Variants in LRRTM4 observed in about 807,000 individuals in gnomAD.
LRRTM4 encodes the protein leucine rich repeat transmembrane neuronal 4.
In LRRTM4, 25 loss-of-function variants were observed where a neutral mutation model predicts 47.6. That is an observed-to-expected ratio of 0.53 (90% CI 0.38 to 0.73). The LOEUF (loss-of-function observed/expected upper bound fraction) is 0.73. Among genes scored for constraint, LRRTM4 ranks in the 30% least tolerant of loss-of-function variants. The pLI is 0.00. For synonymous variants in LRRTM4, 311 were observed against 269.5 expected (o/e 1.15, Z -1.51); for missense variants, 638 against 713.4 (o/e 0.89, Z 1.20).
intron 3 of LRRTM4, among the ~76,000 whole-genome samples, chr2:76,771,246 T>G (rs769484854): frequency 1.3e-5 from 2 of 152,116 alleles, no homozygotes; most frequent in East Asian, 1.9e-4. Context: ...GCCACAGGAG[T>G]TGGAATCGCT....
chr2:76,991,871 A>G (rs907829483), intron 3 of LRRTM4, among the ~76,000 whole-genome samples: 1 of 151,900 alleles, frequency 6.6e-6, no homozygotes, highest in African/African-American at 2.4e-5. Context: ...ATGAACATAG[A>G]TGCAAAAATC....
intron 3 of LRRTM4, among the ~76,000 whole-genome samples, chr2:77,225,992 TA>T (rs1674793404): frequency 6.6e-6 from 1 of 151,886 alleles, no homozygotes; most frequent in Non-Finnish European, 1.5e-5. Flanking sequence ...ATAAAGAACG[TA>T]AAAAATGTGT....
At chr2:77,363,586 A>G (rs949300869) in intron 3 of LRRTM4, among the ~76,000 whole-genome samples, 1 of 152,168 alleles carries the variant, frequency 6.6e-6, no homozygotes, top group African/African-American at 2.4e-5. Flanking sequence ...TCATCCTGGT[A>G]TGGTTTACTG....
At chr2:76,947,790 T>A (rs889235922) in intron 3 of LRRTM4, among the ~76,000 whole-genome samples, 1 of 151,862 alleles carries the variant, frequency 6.6e-6, no homozygotes, top group Non-Finnish European at 1.5e-5. Flanking sequence ...AAATCATTTA[T>A]ACTTGACATT....
intron 3 of LRRTM4, among the ~76,000 whole-genome samples, chr2:77,401,546 C>A (rs1673955788): frequency 6.6e-6 from 1 of 151,756 alleles, no homozygotes; most frequent in Non-Finnish European, 1.5e-5. Context: ...TATTGAATTC[C>A]TAGCACATAG....
chr2:76,936,403 C>A, intron 3 of LRRTM4, among the ~76,000 whole-genome samples: 1 of 148,560 alleles, frequency 6.7e-6, no homozygotes, highest in African/African-American at 2.5e-5. Context: ...CACATGCACA[C>A]AGGGAGGGGA....
At chr2:77,143,811 T>C (rs1672187353) in intron 3 of LRRTM4, among the ~76,000 whole-genome samples, 1 of 152,194 alleles carries the variant, frequency 6.6e-6, no homozygotes, top group African/African-American at 2.4e-5. Flanking sequence ...AGATTATATC[T>C]AGCAGTTGCA....
At chr2:77,167,552 C>T (rs1033964552) in intron 3 of LRRTM4, among the ~76,000 whole-genome samples, 1 of 152,172 alleles carries the variant, frequency 6.6e-6, no homozygotes, top group African/African-American at 2.4e-5. Context: ...GGAACCAACC[C>T]AAATGTCCAT....
At chr2:76,985,556 C>T (rs975179280) in intron 3 of LRRTM4, among the ~76,000 whole-genome samples, 1 of 151,894 alleles carries the variant, frequency 6.6e-6, no homozygotes, top group African/African-American at 2.4e-5. Context: ...AGATCTCCTC[C>T]TGAGACTAAA....
intron 3 of LRRTM4, among the ~76,000 whole-genome samples, chr2:76,923,261 A>C (rs1196286692): frequency 6.6e-6 from 1 of 152,032 alleles, no homozygotes; most frequent in Admixed American, 6.6e-5. Context: ...TCTAAAGTTC[A>C]TGAAACCTCT....
intron 3 of LRRTM4, among the ~76,000 whole-genome samples, chr2:76,931,536 C>T (rs1469689296): frequency 3.3e-5 from 5 of 152,092 alleles, no homozygotes; most frequent in South Asian, 2.1e-4. Context: ...TCTCTCTCTC[C>T]ACCACTTTCA....
At chr2:77,060,705 G>C (rs369135006) in intron 3 of LRRTM4, among the ~76,000 whole-genome samples, 1 of 152,050 alleles carries the variant, frequency 6.6e-6, no homozygotes, top group Non-Finnish European at 1.5e-5. Context: ...TTAAAATATG[G>C]CTTCTGCCAT....
intron 3 of LRRTM4, among the ~76,000 whole-genome samples, chr2:76,808,322 TCTTA>T (rs1400276671): frequency 6.6e-6 from 1 of 152,122 alleles, no homozygotes; most frequent in Non-Finnish European, 1.5e-5. Context: ...TTTCATTATT[TCTTA>T]CTTATTCATG....
At chr2:77,087,099 C>T (rs1680743102) in intron 3 of LRRTM4, among the ~76,000 whole-genome samples, 1 of 152,154 alleles carries the variant, frequency 6.6e-6, no homozygotes, top group South Asian at 2.1e-4. Context: ...TGTATAGCTG[C>T]TGATCTTATG....
intron 3 of LRRTM4, among the ~76,000 whole-genome samples, chr2:76,770,301 G>A (rs1313955848): frequency 6.6e-6 from 1 of 151,992 alleles, no homozygotes; most frequent in Non-Finnish European, 1.5e-5. Context: ...TAGCTCCTTC[G>A]GTAAACTCAT....
intron 3 of LRRTM4, among the ~76,000 whole-genome samples, chr2:76,864,882 A>G (rs1477729000): frequency 2.3e-5 from 3 of 132,506 alleles, no homozygotes; most frequent in African/African-American, 9.1e-5. Context: ...GAATGCCACC[A>G]CTTCAGCTGT....
At chr2:77,222,296 A>C (rs1411075984) in intron 3 of LRRTM4, among the ~76,000 whole-genome samples, 1 of 152,204 alleles carries the variant, frequency 6.6e-6, no homozygotes, top group Non-Finnish European at 1.5e-5. Context: ...AATTAAAATA[A>C]CTAGAGAAGC....
At chr2:77,275,849 G>A (rs1171275182) in intron 3 of LRRTM4, among the ~76,000 whole-genome samples, 1 of 152,096 alleles carries the variant, frequency 6.6e-6, no homozygotes, top group East Asian at 1.9e-4. Flanking sequence ...AAGATAATAA[G>A]AGCTTTTCTC....
chr2:77,463,435 G>C (rs1429216663), intron 3 of LRRTM4, among the ~76,000 whole-genome samples: 3 of 151,886 alleles, frequency 2.0e-5, no homozygotes, highest in Non-Finnish European at 4.4e-5. Context: ...TTTTTACCCA[G>C]TAAATCAAAA....
Sources: gnomAD v4.1 joint callset for allele counts (sites outside exome capture counted in the v4.1 genomes callset) on GRCh38, gnomAD v4.1.1 for gene constraint, MANE v1.5 for transcripts, NCBI Gene and HGNC (gene_info 2026-07-23, HGNC 2026-07-21) for gene names.